Variants in CNOT6 observed in about 807,000 individuals in gnomAD.
The protein encoded by CNOT6 is CCR4-NOT transcription complex subunit 6.
Under a neutral mutation model 61.2 loss-of-function variants are expected in CNOT6, and 12 were observed. That is an observed-to-expected ratio of 0.20 (90% CI 0.13 to 0.32). The LOEUF is 0.32. Among genes scored for constraint, CNOT6 ranks in the 10% least tolerant of loss-of-function variants. The pLI is 1.00. For synonymous variants in CNOT6, 225 were observed against 240.6 expected, an observed-to-expected ratio of 0.94 and a Z score of 0.60; for missense variants, 405 against 663.9, an observed-to-expected ratio of 0.61 and a Z score of 4.28.
intron 2 of CNOT6, among the ~76,000 whole-genome samples, chr5:180,531,181 G>A (rs1482015677): frequency 2.5e-5 from 3 of 120,828 alleles, no homozygotes; most frequent in Non-Finnish European, 5.7e-5. Context: ...CAGCTGGGGC[G>A]GCTGGCCGGG....
intron 1 of CNOT6, among the ~76,000 whole-genome samples, chr5:180,521,807 A>C (rs1388130243): frequency 2.6e-5 from 4 of 152,092 alleles, no homozygotes; most frequent in African/African-American, 9.7e-5. Flanking sequence ...TTCTTTTCCT[A>C]CGTTAATTCA....
intron 2 of CNOT6, among the ~76,000 whole-genome samples, chr5:180,538,626 T>A (rs1022744746): frequency 1.3e-5 from 2 of 149,316 alleles, no homozygotes; most frequent in African/African-American, 4.9e-5. Flanking sequence ...AGGCGGAGGT[T>A]GCAGTAAGCC....
rs1362051358 is a variant in CNOT6 at position 180,527,017 on chromosome 5, C to G, written c.-2-2258C>G. 7.2e-5 allele frequency among the ~76,000 whole-genome samples: 11 copies of G among 151,954 alleles called. No homozygotes were observed. In the East Asian group the frequency reaches 1.9e-3, roughly 27 times the overall value. ...ACCTCAGCCTCCTGAGTTGCTGGGA[C>G]TATGGGTGTATACCACCATGCTTGG... is the stretch of plus-strand genomic sequence containing the variant. On this transcript the variant is annotated intron_variant, in intron 1 of 11. Coordinates refer to ENST00000261951, the MANE Select transcript of CNOT6 (RefSeq NM_001370472.1).
intron 1 of CNOT6, among the ~76,000 whole-genome samples, chr5:180,518,002 A>T (rs922426190): frequency 1.7e-5 from 2 of 115,828 alleles, no homozygotes; most frequent in African/African-American, 5.4e-5. Flanking sequence ...CTCTTCCCCC[A>T]TCTCCCCCTC....
At position 180,577,002 on chromosome 5, in the gene CNOT6, G is replaced by A. The variant is rs999916107; in HGVS notation, c.*2802G>A. On this transcript the variant is annotated 3_prime_UTR_variant, in exon 12 of 12. Coordinates refer to ENST00000261951, the MANE Select transcript of CNOT6 (RefSeq NM_001370472.1). ...CCCAAATCCTTGTCGCCAATCTCCT[G>A]AAGTACAGCTTTACCATATTAGTGG... is the stretch of plus-strand genomic sequence containing the variant. The A allele has an allele frequency of 6.6e-6, 1 of 152,550 alleles. No individual in the cohort carries two copies. Among genetic ancestry groups the A allele is most frequent in the African/African-American group, 2.4e-5 (1 of 41,456 alleles). 9.4% of individuals were successfully genotyped at this position (152,550 alleles called of 1,614,324 possible).
chr5:180,568,052 C>T (rs1485971217), intron 9 of CNOT6, 49 bp downstream of exon 9: 14 of 1,512,382 alleles, frequency 9.3e-6, no homozygotes, highest in Non-Finnish European at 1.2e-5. Flanking sequence ...GACTAGACAT[C>T]TTCAAAAGAA....
At chr5:180,533,477 C>T (rs1233678053) in intron 2 of CNOT6, among the ~76,000 whole-genome samples, 1 of 151,802 alleles carries the variant, frequency 6.6e-6, no homozygotes, top group Non-Finnish European at 1.5e-5. Context: ...CATGATTATA[C>T]ATAGCTTACT....
chr5:180,571,639 C>A (rs938989077), intron 11 of CNOT6, among the ~76,000 whole-genome samples: 1 of 152,216 alleles, frequency 6.6e-6, no homozygotes, highest in South Asian at 2.1e-4. Context: ...AGTGATGGCT[C>A]ACTGCAGCTT....
chr5:180,528,887 T>A (rs1398837734), intron 1 of CNOT6, among the ~76,000 whole-genome samples: 2 of 151,980 alleles, frequency 1.3e-5, no homozygotes, highest in African/African-American at 4.8e-5. Context: ...CAGTGGGAAA[T>A]GGTAGAGATT....
intron 11 of CNOT6, among the ~76,000 whole-genome samples, 186 bp from the exon 12 acceptor site, chr5:180,573,802 C>A (rs1232826750): frequency 2.0e-5 from 3 of 152,102 alleles, no homozygotes; most frequent in Non-Finnish European, 4.4e-5. Flanking sequence ...ATGCTTCATT[C>A]TGCTAGATTT....
At chr5:180,551,665 G>A (rs1278314553) in intron 3 of CNOT6, among the ~76,000 whole-genome samples, 4 of 152,164 alleles carry the variant, frequency 2.6e-5, no homozygotes, top group Non-Finnish European at 1.5e-5. Flanking sequence ...CATGTTAACT[G>A]ACTTTTTGAC....
At chr5:180,531,274 G>A (rs141715518) in intron 2 of CNOT6, among the ~76,000 whole-genome samples, 41,007 of 150,596 alleles carry the variant, frequency 0.27, 6,229 homozygotes, top group Middle Eastern at 0.41. Context: ...CAGACGGGGT[G>A]GCCGGTCAGA....
At chr5:180,498,026 A>G (rs1756693592) in intron 1 of CNOT6, among the ~76,000 whole-genome samples, 1 of 151,874 alleles carries the variant, frequency 6.6e-6, no homozygotes, top group Admixed American at 6.6e-5. Context: ...CTGGGCAAAA[A>G]GAGTGAAACT....
At chr5:180,553,005 A>C (rs552273983) in intron 3 of CNOT6, among the ~76,000 whole-genome samples, 1 of 151,002 alleles carries the variant, frequency 6.6e-6, no homozygotes, top group East Asian at 1.9e-4. Flanking sequence ...AGTAGACCCC[A>C]TGTGTACTAG....
chr5:180,549,657 A>C (rs1271568208), intron 2 of CNOT6, among the ~76,000 whole-genome samples: 1 of 152,132 alleles, frequency 6.6e-6, no homozygotes, highest in African/African-American at 2.4e-5. Context: ...TCAAAAAAAA[A>C]AAGGATAAAT....
Position 180,529,760 on chromosome 5 carries a change from A to G in CNOT6, c.112+372A>G, listed in dbSNP as rs754648719. ...GTAGGATTGAGCTTTTGCATTGTCA[A>G]TGATAGATTTCTGGTGGGGTAGGAA... On this transcript the variant is annotated intron_variant, in intron 2 of 11. Coordinates refer to ENST00000261951, the MANE Select transcript of CNOT6 (RefSeq NM_001370472.1). 3.9e-5 allele frequency among the ~76,000 whole-genome samples: 6 copies of G among 152,236 alleles called. No individual in the cohort carries two copies. The East Asian group carries it at 5.8e-4, about 15-fold the overall frequency.
chr5:180,545,400 T>C (rs929888207), intron 2 of CNOT6, among the ~76,000 whole-genome samples: 5 of 152,242 alleles, frequency 3.3e-5, no homozygotes, highest in Admixed American at 1.3e-4. Context: ...AATTTTTGTA[T>C]AAATGATGTT....
intron 2 of CNOT6, among the ~76,000 whole-genome samples, chr5:180,537,675 T>C (rs1758767327): frequency 6.6e-6 from 1 of 152,266 alleles, no homozygotes; most frequent in South Asian, 2.1e-4. Context: ...ATCTTGACAG[T>C]ATTGTGTCTT....
At chr5:180,505,587 G>A (rs572310356) in intron 1 of CNOT6, among the ~76,000 whole-genome samples, 16 of 127,004 alleles carry the variant, frequency 1.3e-4, no homozygotes, top group South Asian at 5.0e-4. Context: ...TGGCTCTGTC[G>A]CCCAGTCTGG....
Sources: gnomAD v4.1 joint callset for allele counts (sites outside exome capture counted in the v4.1 genomes callset) on GRCh38, gnomAD v4.1.1 for gene constraint, MANE v1.5 for transcripts, NCBI Gene and HGNC (gene_info 2026-07-23, HGNC 2026-07-21) for gene names.